P3H2: variants seen among roughly 807,000 people sequenced by gnomAD.
The protein encoded by P3H2 is prolyl 3-hydroxylase 2.
Under a neutral mutation model 87.0 loss-of-function variants are expected in P3H2, and 80 were observed. That is an observed-to-expected ratio of 0.92 (90% CI 0.77 to 1.11). P3H2 has a LOEUF of 1.11. Ranked by LOEUF, P3H2 falls within the 50% of genes least tolerant of loss-of-function variation. The pLI is 0.00. For missense variants in P3H2, 1,001 were observed against 923.9 expected (o/e 1.08, Z -1.08); for synonymous variants, 367 against 359.3 (o/e 1.02, Z -0.24).
intron 5 of P3H2, 57 bp downstream of exon 5, chr3:189,987,470 A>C: frequency 3.9e-6 from 6 of 1,542,740 alleles, no homozygotes; most frequent in Non-Finnish European, 5.3e-6. Flanking sequence ...CAAGAGCGAA[A>C]CTCTGTCTTA....
chr3:190,056,425 C>A (rs1283044559), intron 1 of P3H2, among the ~76,000 whole-genome samples: 1 of 152,160 alleles, frequency 6.6e-6, no homozygotes. Flanking sequence ...ACAGGGTCCA[C>A]ATAGCAAGGG....
Position 189,973,947 on chromosome 3 carries a change from C to A in P3H2, c.1510G>T (p.Glu504Ter), listed in dbSNP as rs2108909805. 2 of 1,614,152 alleles carry A rather than the reference C, an allele frequency of 1.2e-6. No individual in the cohort carries two copies. Among genetic ancestry groups the A allele is most frequent in the Non-Finnish European group, 1.7e-6 (2 of 1,180,010 alleles). Reference sequence around the variant, plus strand: ...AGGACAGTTGCACCTTCAAACTTTTCATTGGGTGTATGGGGTGAAGTTTTT... The same window carrying A: ...AGGACAGTTGCACCTTCAAACTTTTAATTGGGTGTATGGGGTGAAGTTTTT... ...RGKTSPHTPN[E>*]KFEGATVLKA... The change falls in exon 10 of 15, where the codon GAA becomes TAA. Residue 504 changes from glutamate (E) to a stop codon, truncating the protein, a stop_gained. Coordinates refer to ENST00000319332, the MANE Select transcript of P3H2 (RefSeq NM_018192.4). LOFTEE classifies it high-confidence loss of function.
chr3:190,056,574 A>G (rs1008180883), intron 1 of P3H2, among the ~76,000 whole-genome samples: 11 of 152,342 alleles, frequency 7.2e-5, no homozygotes, highest in South Asian at 2.1e-4. Context: ...ATCTACAGGG[A>G]ACGTAATTTC....
chr3:190,056,143 T>G (rs187227711), intron 1 of P3H2, among the ~76,000 whole-genome samples: 1 of 152,280 alleles, frequency 6.6e-6, no homozygotes, highest in Non-Finnish European at 1.5e-5. Flanking sequence ...AAGGACGTAG[T>G]GAGAAGATGG....
intron 1 of P3H2, among the ~76,000 whole-genome samples, chr3:190,118,402 C>T (rs970813176): frequency 6.6e-6 from 1 of 151,968 alleles, no homozygotes; most frequent in African/African-American, 2.4e-5. Context: ...TGGGAACTAG[C>T]TTATGATAAC....
At chr3:190,039,665 G>T (rs1250231526) in intron 1 of P3H2, among the ~76,000 whole-genome samples, 2 of 152,318 alleles carry the variant, frequency 1.3e-5, no homozygotes, top group East Asian at 3.9e-4. Context: ...GAGCATAAAA[G>T]AAATGCCCAC....
intron 8 of P3H2, among the ~76,000 whole-genome samples, chr3:189,982,500 G>A (rs1195981377): frequency 1.3e-5 from 2 of 152,116 alleles, no homozygotes; most frequent in East Asian, 1.9e-4. Flanking sequence ...TGTTCCGCTC[G>A]CTTCGTCTCT....
intron 1 of P3H2, among the ~76,000 whole-genome samples, chr3:190,008,933 T>C (rs982394726): frequency 7.9e-5 from 12 of 151,810 alleles, no homozygotes; most frequent in African/African-American, 2.9e-4. Context: ...TTAAGAGAAG[T>C]AAAAAGAAAT....
At chr3:190,020,496 A>G (rs1724900695) in intron 1 of P3H2, among the ~76,000 whole-genome samples, 1 of 134,360 alleles carries the variant, frequency 7.4e-6, no homozygotes, top group African/African-American at 2.6e-5. Flanking sequence ...CAAAGAAGCC[A>G]CGATCAGTTC....
chr3:189,999,724 G>A (rs1724153412), intron 1 of P3H2, among the ~76,000 whole-genome samples: 2 of 152,114 alleles, frequency 1.3e-5, no homozygotes, highest in South Asian at 2.1e-4. Flanking sequence ...AATAAACTGT[G>A]AAATAAAGAA....
rs902571469 is a variant in P3H2, at chr3:189,963,892, G to A, written c.2034+66C>T. On this transcript the variant is annotated intron_variant, in intron 14 of 14. Coordinates refer to ENST00000319332, the MANE Select transcript of P3H2 (RefSeq NM_018192.4). ...TTTCCTCAGACGAAGCAATTTAAAG[G>A]ACTTCTCAGATAAAGCAGTTCATGA... is the stretch of plus-strand genomic sequence containing the variant. 1.5e-5 allele frequency: 24 copies of A among 1,549,088 alleles called. No individual in the cohort carries two copies. The African/African-American group carries it at 3.0e-4, about 19-fold the overall frequency.
chr3:189,959,858 ATATGTGTGTGTG>A lies in P3H2; in HGVS notation c.2035-1866_2035-1855del, dbSNP rs1428061317. 1.5e-3 allele frequency among the ~76,000 whole-genome samples: 191 copies of A among 131,184 alleles called. 1 individual carries two copies. Among genetic ancestry groups the A allele is most frequent in the African/African-American group, 1.9e-3 (62 of 31,946 alleles). The allele number at this position is 131,184 out of a possible 152,430, so 86.1% of individuals were successfully genotyped here. A position where few individuals can be genotyped will look rare whatever the true frequency, so the allele number is the denominator to read the frequency against. On this transcript the variant is annotated intron_variant, in intron 14 of 14. Coordinates refer to ENST00000319332, the MANE Select transcript of P3H2 (RefSeq NM_018192.4). ...CTGTAACTCTCCAGGACTGGAGGAGATATGTGTGTGTGTGTGTGTGTGTGTGTGTGTGTGTGT... is the reference window on the plus strand; with the variant it reads ...CTGTAACTCTCCAGGACTGGAGGAGATGTGTGTGTGTGTGTGTGTGTGTGT...
At chr3:189,991,613 C>T (rs962421211) in intron 3 of P3H2, among the ~76,000 whole-genome samples, 2 of 151,910 alleles carry the variant, frequency 1.3e-5, no homozygotes, top group Non-Finnish European at 2.9e-5. Context: ...AGGCTTTAGC[C>T]GAGAGATAGA....
In P3H2 at chr3:189,988,919, C is replaced by A; in HGVS notation, c.943G>T (p.Ala315Ser). Reference protein sequence around the residue: ...LPLHYDYLQFAYYRVGEYVKA... With the variant: ...LPLHYDYLQFSYYRVGEYVKA... ...ATCCACGCTTTACCTCGATAGTAGGCAAACTGTAGGTAATCATAGTGCAGA... is the reference window on the plus strand; with the variant it reads ...ATCCACGCTTTACCTCGATAGTAGGAAAACTGTAGGTAATCATAGTGCAGA... The change falls in exon 4 of 15, where the codon GCC (alanine) becomes TCC (serine). Residue 315 changes from alanine (A) to serine (S), a missense_variant. By Grantham distance (99) the Ala-to-Ser change is moderately conservative. Transcript: ENST00000319332. The A allele has an allele frequency of 6.2e-7, 1 of 1,614,054 alleles. No homozygotes were observed. The highest frequency in any genetic ancestry group is 8.5e-7 in the Non-Finnish European group (1 of 1,180,000).
chr3:190,047,901 A>G (rs1725856587), intron 1 of P3H2, among the ~76,000 whole-genome samples: 1 of 152,232 alleles, frequency 6.6e-6, no homozygotes, highest in Non-Finnish European at 1.5e-5. Flanking sequence ...ATAATTTATA[A>G]TCTATTGCAA....
chr3:190,113,568 A>T (rs1354500370), intron 1 of P3H2, among the ~76,000 whole-genome samples: 1 of 152,222 alleles, frequency 6.6e-6, no homozygotes. Flanking sequence ...ATTATATCAA[A>T]TCCAGCAAGT....
intron 1 of P3H2, among the ~76,000 whole-genome samples, chr3:190,043,726 A>T (rs1164813107): frequency 6.6e-6 from 1 of 152,194 alleles, no homozygotes; most frequent in Non-Finnish European, 1.5e-5. Context: ...ATATCAATCA[A>T]GTGTTTATAT....
chr3:190,046,079 C>T (rs1419248812), intron 1 of P3H2, among the ~76,000 whole-genome samples: 1 of 150,538 alleles, frequency 6.6e-6, no homozygotes, highest in Non-Finnish European at 1.5e-5. Context: ...GCTGAGATCG[C>T]ACCACTGCAC....
chr3:190,019,786 ATATAT>A (rs1560365199), intron 1 of P3H2, among the ~76,000 whole-genome samples: 1 of 36,708 alleles, frequency 2.7e-5, no homozygotes, highest in African/African-American at 6.8e-5. Flanking sequence ...AAATTAAAAA[ATATAT>A]ATATATATAT....
Sources: allele counts gnomAD v4.1 joint callset (sites outside exome capture counted in the v4.1 genomes callset), GRCh38; gene constraint gnomAD v4.1.1; transcripts MANE v1.5; gene names NCBI Gene and HGNC (gene_info 2026-07-23, HGNC 2026-07-21).